TICAM2: variants seen among roughly 807,000 people sequenced by gnomAD.
The protein encoded by TICAM2 is TIR domain-containing adapter molecule 2.
TICAM2 carries 8 observed loss-of-function variants against 7.3 expected under a neutral mutation model. The ratio of observed to expected loss-of-function variants is 1.10; its 90% CI spans 0.65 to 1.99. TICAM2 has a LOEUF of 1.99. TICAM2 is among the 30% of genes most tolerant of loss of function. TICAM2 has a pLI of 0.00. For missense variants in TICAM2, 304 were observed against 278.8 expected, an observed-to-expected ratio of 1.09 and a Z score of -0.65; for synonymous variants, 113 against 99.6, an observed-to-expected ratio of 1.13 and a Z score of -0.80.
intron 1 of TICAM2, among the ~76,000 whole-genome samples, chr5:115,590,766 C>A (rs1218873618): frequency 6.6e-6 from 1 of 152,196 alleles, no homozygotes; most frequent in Non-Finnish European, 1.5e-5. Flanking sequence ...ACCTTTCTTT[C>A]TATTCCAAAG....
At chr5:115,595,421 T>C (rs2127204347) in intron 1 of TICAM2, among the ~76,000 whole-genome samples, 1 of 152,306 alleles carries the variant, frequency 6.6e-6, no homozygotes, top group South Asian at 2.1e-4. Context: ...CATATCTGTC[T>C]CTTTTCCCAT....
intron 1 of TICAM2, among the ~76,000 whole-genome samples, chr5:115,590,201 A>G (rs1359332672): frequency 1.3e-5 from 2 of 152,146 alleles, no homozygotes; most frequent in Non-Finnish European, 2.9e-5. Context: ...CATTTAATAA[A>G]TAAATTTAAA....
chr5:115,595,120 C>T (rs1308890341), intron 1 of TICAM2, among the ~76,000 whole-genome samples: 2 of 152,062 alleles, frequency 1.3e-5, no homozygotes, highest in Non-Finnish European at 2.9e-5. Context: ...CCAAAGTTTG[C>T]TTACTGGGTC....
At chr5:115,601,522 T>C (rs929475007) in intron 1 of TICAM2, among the ~76,000 whole-genome samples, 39 of 152,202 alleles carry the variant, frequency 2.6e-4, no homozygotes, top group Non-Finnish European at 4.9e-4. Flanking sequence ...CCAGATCATA[T>C]AGCCTTTCCC....
intron 1 of TICAM2, among the ~76,000 whole-genome samples, chr5:115,599,782 G>C (rs192392658): frequency 6.6e-6 from 1 of 152,274 alleles, no homozygotes; most frequent in Non-Finnish European, 1.5e-5. Context: ...GTCAGGAGAT[G>C]AGTTCAGAGA....
chr5:115,580,963 A>G lies in TICAM2; in HGVS notation c.294T>C (p.Asn98=), dbSNP rs748046448. 9 of 1,613,752 alleles carry G rather than the reference A, an allele frequency of 5.6e-6. 1 individual carries two copies. The South Asian group carries it at 9.9e-5, about 18-fold the overall frequency. The part of the protein sequence containing the change: ...DDTDEALRVQ[N]LLQDDFGIKP... Reference sequence around the variant, plus strand: ...TGATACCAAAGTCATCTTGTAGCAGATTCTGGACTCTGAGGGCTTCATCTG... The same window carrying G: ...TGATACCAAAGTCATCTTGTAGCAGGTTCTGGACTCTGAGGGCTTCATCTG... Residue 98 remains asparagine, a synonymous_variant, in exon 2 of 2, where the codon AAT becomes AAC. Transcript: ENST00000427199.
In TICAM2 at chr5:115,582,995, C is replaced by A. The variant is rs535950297; in HGVS notation, c.-59-1680G>T. Among the ~76,000 whole-genome samples, 3 of 152,280 alleles carry A rather than the reference C, an allele frequency of 2.0e-5. No homozygotes were observed. In the South Asian group the frequency reaches 6.2e-4, roughly 32 times the overall value. Reference sequence around the variant, plus strand: ...TCACTCTGTCTGTACTTTAGGTTCTCGCTCCACGGTATATTGTGCTAGTTA... The same window carrying A: ...TCACTCTGTCTGTACTTTAGGTTCTAGCTCCACGGTATATTGTGCTAGTTA... On this transcript the variant is annotated intron_variant, in intron 1 of 1. Coordinates refer to ENST00000427199, the MANE Select transcript of TICAM2 (RefSeq NM_021649.7).
At chr5:115,586,796 T>A (rs1485924747) in intron 1 of TICAM2, among the ~76,000 whole-genome samples, 2 of 152,216 alleles carry the variant, frequency 1.3e-5, no homozygotes, top group Non-Finnish European at 2.9e-5. Context: ...TATTAATAAA[T>A]ATTTTGGTGG....
intron 1 of TICAM2, among the ~76,000 whole-genome samples, chr5:115,587,815 G>T (rs1276806854): frequency 6.6e-6 from 1 of 152,098 alleles, no homozygotes; most frequent in Non-Finnish European, 1.5e-5. Context: ...TCTTAGATTG[G>T]GGATACAAGT....
chr5:115,585,359 T>C (rs1420869088), intron 1 of TICAM2, among the ~76,000 whole-genome samples: 2 of 152,216 alleles, frequency 1.3e-5, no homozygotes, highest in Non-Finnish European at 2.9e-5. Flanking sequence ...CTGAACTGTT[T>C]CTTACCAGTC....
Position 115,578,990 on chromosome 5 carries a change from AGATCCCG to A in TICAM2, c.*1552_*1558del, listed in dbSNP as rs1454242787. 1.3e-5 allele frequency: 2 copies of A among 152,662 alleles called. No homozygotes were observed. The highest frequency in any genetic ancestry group is 4.8e-5 in the African/African-American group (2 of 41,454). 9.5% of individuals were successfully genotyped at this position (152,662 alleles called of 1,614,324 possible). On this transcript the variant is annotated 3_prime_UTR_variant, in exon 2 of 2. Transcript: ENST00000427199. ...GAGGTAACTGCAAAAAGATGTGTGC[AGATCCCG>A]GTACTGGTAGGGGATATACAAGTGG...
intron 1 of TICAM2, among the ~76,000 whole-genome samples, chr5:115,582,476 A>C (rs1428049252): frequency 2.0e-5 from 3 of 151,650 alleles, no homozygotes; most frequent in Non-Finnish European, 4.4e-5. Context: ...TCTGGCCTAG[A>C]CTCATTCTTT....
At chr5:115,583,762 A>C (rs10043094) in intron 1 of TICAM2, among the ~76,000 whole-genome samples, 55,280 of 151,990 alleles carry the variant, frequency 0.36, 10,072 homozygotes, top group Middle Eastern at 0.39. Context: ...AGTTAACTCC[A>C]TCAGTAAAAA....
rs73254578 is a variant in TICAM2, at chr5:115,595,035, T to C, written c.-60+7062A>G. On this transcript the variant is annotated intron_variant, in intron 1 of 1. Coordinates refer to ENST00000427199, the MANE Select transcript of TICAM2 (RefSeq NM_021649.7). ...GCACACTATTCTGACATGATTCCAA[T>C]AGAGGCTGGGCCACAAGAACTAATA... 8.8e-3 allele frequency among the ~76,000 whole-genome samples: 1,333 copies of C among 152,200 alleles called. 15 individuals carry two copies. The highest frequency in any genetic ancestry group is 0.031 in the African/African-American group (1,270 of 41,532).
intron 1 of TICAM2, among the ~76,000 whole-genome samples, chr5:115,583,307 A>G (rs1380739928): frequency 2.0e-5 from 3 of 152,244 alleles, no homozygotes; most frequent in Non-Finnish European, 2.9e-5. Flanking sequence ...AGCCGGTAAG[A>G]CAAGTGCTTT....
intron 1 of TICAM2, among the ~76,000 whole-genome samples, chr5:115,599,875 T>C (rs1755655230): frequency 6.6e-6 from 1 of 151,894 alleles, no homozygotes; most frequent in African/African-American, 2.4e-5. Context: ...TTCTTTTTTT[T>C]TGTGATTCTG....
chr5:115,586,702 A>G (rs879606778), intron 1 of TICAM2, among the ~76,000 whole-genome samples: 1 of 152,208 alleles, frequency 6.6e-6, no homozygotes, highest in Non-Finnish European at 1.5e-5. Context: ...TTTCGTTCAT[A>G]TCTGAACAGC....
chr5:115,580,966 C>G lies in TICAM2; in HGVS notation c.291G>C (p.Gln97His). 1 of 1,613,518 alleles carries G rather than the reference C, an allele frequency of 6.2e-7. No homozygotes were observed. Among genetic ancestry groups the G allele is most frequent in the South Asian group, 1.1e-5 (1 of 90,982 alleles). ...TACCAAAGTCATCTTGTAGCAGATTCTGGACTCTGAGGGCTTCATCTGTGT... is the reference window on the plus strand; with the variant it reads ...TACCAAAGTCATCTTGTAGCAGATTGTGGACTCTGAGGGCTTCATCTGTGT... The part of the protein sequence containing the change: ...EDDTDEALRV[Q>H]NLLQDDFGIK... The change falls in exon 2 of 2, where the codon CAG becomes CAC. Residue 97 changes from glutamine to histidine, a missense_variant. Physicochemically the swap from Gln to His is conservative, Grantham distance 24. Coordinates refer to ENST00000427199, the MANE Select transcript of TICAM2 (RefSeq NM_021649.7).
chr5:115,580,866 C>T lies in TICAM2; in HGVS notation c.391G>A (p.Gly131Arg). The T allele has an allele frequency of 1.2e-6, 2 of 1,613,378 alleles. No homozygotes were observed. The highest frequency in any genetic ancestry group is 1.7e-6 in the Non-Finnish European group (2 of 1,179,474). The stretch of plus-strand genomic sequence containing the variant: ...AGTAATAAGATTGTCCATGCAGACC[C>T]ATTTACAGCATCATCTAAATTCTGT... ...HLQNLDDAVNGSAWTILLLTE... is the reference protein window; with the variant it reads ...HLQNLDDAVNRSAWTILLLTE... Residue 131 changes from glycine (G) to arginine (R), a missense_variant, in exon 2 of 2, where the codon GGG becomes AGG. Physicochemically the swap from Gly to Arg is moderately radical, Grantham distance 125. Coordinates refer to ENST00000427199, the MANE Select transcript of TICAM2 (RefSeq NM_021649.7).
Sources: allele counts gnomAD v4.1 joint callset (sites outside exome capture counted in the v4.1 genomes callset), GRCh38; gene constraint gnomAD v4.1.1; transcripts MANE v1.5; gene names NCBI Gene and HGNC (gene_info 2026-07-23, HGNC 2026-07-21).